ANP32B: variants seen among roughly 807,000 people sequenced by gnomAD.
ANP32B encodes acidic leucine-rich nuclear phosphoprotein 32 family member B.
Under a neutral mutation model 32.2 loss-of-function variants are expected in ANP32B, and 6 were observed. The observed-to-expected ratio is 0.19, with a 90% CI of 0.10 to 0.37. ANP32B has a LOEUF of 0.37. ANP32B is among the 10% of genes least tolerant of loss of function. The probability of loss-of-function intolerance (pLI) is 1.00; values close to 1 mark genes in which losing one functional copy is unlikely to be tolerated. For missense variants in ANP32B, 204 were observed against 289.2 expected (o/e 0.71, Z 2.14); for synonymous variants, 98 against 105.8 (o/e 0.93, Z 0.45).
intron 6 of ANP32B, among the ~76,000 whole-genome samples, chr9:98,013,001 A>G (rs1467653744): frequency 6.6e-6 from 1 of 152,164 alleles, no homozygotes; most frequent in African/African-American, 2.4e-5. Context: ...AAGTGCCGGG[A>G]TTACAGGCGT....
chr9:97,997,482 G>A (rs1425648489), intron 2 of ANP32B, among the ~76,000 whole-genome samples: 2 of 152,150 alleles, frequency 1.3e-5, no homozygotes, highest in African/African-American at 2.4e-5. Context: ...TAATAATGAG[G>A]ACATGGATAT....
At chr9:98,005,794 T>TAA (rs975479532) in intron 4 of ANP32B, among the ~76,000 whole-genome samples, 5 of 152,170 alleles carry the variant, frequency 3.3e-5, no homozygotes, top group Admixed American at 6.5e-5. Flanking sequence ...CGCTTGCTCT[T>TAA]ACAGGCTTGC....
At chr9:97,986,245 A>G (rs1382666199) in intron 1 of ANP32B, among the ~76,000 whole-genome samples, 2 of 152,264 alleles carry the variant, frequency 1.3e-5, no homozygotes, top group Non-Finnish European at 2.9e-5. Context: ...AGACGTGACA[A>G]GTGGCTCGTG....
intron 1 of ANP32B, chr9:97,984,601 C>A (rs983912733): frequency 6.6e-6 from 1 of 150,890 alleles, no homozygotes; most frequent in Admixed American, 6.6e-5. Flanking sequence ...GTGCCCGTCT[C>A]CCTGCGCCTG....
Position 98,010,271 on chromosome 9 carries a change from T to G in ANP32B, c.518-1000T>G, listed in dbSNP as rs1025746536. ...CTTACAGAGAAATGGTGTTTTTTTT[T>G]TTTTGTTTTTTTTTTTTAAATCATA... On this transcript the variant is annotated intron_variant, in intron 4 of 6. Transcript: ENST00000339399. Among the ~76,000 whole-genome samples, 26 of 151,172 alleles carry G rather than the reference T, an allele frequency of 1.7e-4. 1 individual carries two copies. The highest frequency in any genetic ancestry group is 3.0e-5 in the Non-Finnish European group (2 of 67,632).
chr9:98,009,000 C>T (rs949380098), intron 4 of ANP32B, among the ~76,000 whole-genome samples: 16 of 152,298 alleles, frequency 1.1e-4, no homozygotes, highest in African/African-American at 3.1e-4. Flanking sequence ...AGATACTTAT[C>T]TCCTGATTCA....
intron 2 of ANP32B, among the ~76,000 whole-genome samples, chr9:97,996,334 G>A (rs1202351480): frequency 1.3e-5 from 2 of 152,148 alleles, no homozygotes; most frequent in Admixed American, 1.3e-4. Context: ...ATCAGTGACC[G>A]TTTTTATAGG....
At chr9:97,997,503 A>G (rs904564713) in intron 2 of ANP32B, among the ~76,000 whole-genome samples, 1 of 152,232 alleles carries the variant, frequency 6.6e-6, no homozygotes, top group African/African-American at 2.4e-5. Context: ...TTATGAAGCC[A>G]GCCTGCCTGG....
chr9:98,007,180 T>C (rs535217310), intron 4 of ANP32B, among the ~76,000 whole-genome samples: 193 of 152,354 alleles, frequency 1.3e-3, no homozygotes, highest in Non-Finnish European at 1.8e-3. Context: ...CTAACTGCAT[T>C]GCTAAAGCTA....
At chr9:97,998,139 T>G (rs1827933899) in intron 2 of ANP32B, among the ~76,000 whole-genome samples, 1 of 152,180 alleles carries the variant, frequency 6.6e-6, no homozygotes, top group Non-Finnish European at 1.5e-5. Flanking sequence ...TGTCCAGAAA[T>G]TAGGTTTCAA....
intron 4 of ANP32B, among the ~76,000 whole-genome samples, chr9:98,007,358 A>T (rs989329455): frequency 4.6e-5 from 7 of 152,202 alleles, no homozygotes; most frequent in Admixed American, 4.6e-4. Flanking sequence ...CCATAACTAG[A>T]TGAATTGATG....
At chr9:98,001,895 C>T (rs564358228) in intron 3 of ANP32B, among the ~76,000 whole-genome samples, 14 of 151,954 alleles carry the variant, frequency 9.2e-5, no homozygotes, top group Non-Finnish European at 1.8e-4. Context: ...AATAGCATGG[C>T]CCTTGTTTTA....
chr9:98,002,579 C>A (rs1325562225), intron 3 of ANP32B, among the ~76,000 whole-genome samples: 1 of 152,108 alleles, frequency 6.6e-6, no homozygotes, highest in Non-Finnish European at 1.5e-5. Context: ...TTACTACTTT[C>A]AGCAGTTCCA....
At chr9:98,007,612 A>T (rs759144290) in intron 4 of ANP32B, among the ~76,000 whole-genome samples, 1 of 152,206 alleles carries the variant, frequency 6.6e-6, no homozygotes, top group Non-Finnish European at 1.5e-5. Context: ...TGAATTGGTC[A>T]TTTTGTGTCG....
At chr9:97,984,849 C>T (rs996884399) in intron 1 of ANP32B, among the ~76,000 whole-genome samples, 39 of 150,392 alleles carry the variant, frequency 2.6e-4, no homozygotes, top group African/African-American at 8.5e-4. Flanking sequence ...GCGCCGGGCG[C>T]GCGGGATTTT....
intron 3 of ANP32B, among the ~76,000 whole-genome samples, chr9:98,000,256 A>G (rs1297160892): frequency 1.3e-5 from 2 of 152,178 alleles, no homozygotes; most frequent in African/African-American, 2.4e-5. Context: ...TTGGGACTAC[A>G]GGCCTGAGCC....
intron 3 of ANP32B, among the ~76,000 whole-genome samples, chr9:98,002,835 G>A (rs1043577955): frequency 1.3e-5 from 2 of 152,194 alleles, no homozygotes; most frequent in African/African-American, 4.8e-5. Context: ...ATCAGAGGTT[G>A]TATGTGTTTT....
chr9:97,985,114 G>A (rs1156651641), intron 1 of ANP32B, among the ~76,000 whole-genome samples: 3 of 151,270 alleles, frequency 2.0e-5, no homozygotes, highest in Admixed American at 2.0e-4. Flanking sequence ...GCCGCGGCCG[G>A]GTGCCCCAGC....
chr9:97,983,471 G>A lies in ANP32B; in HGVS notation c.-85G>A. 1 of 1,271,460 alleles carries A rather than the reference G, an allele frequency of 7.9e-7. No individual in the cohort carries two copies. The highest frequency in any genetic ancestry group is 2.1e-5 in the Admixed American group (1 of 47,780). 78.8% of individuals were successfully genotyped at this position (1,271,460 alleles called of 1,614,324 possible). On this transcript the variant is annotated 5_prime_UTR_variant, in exon 1 of 7. Coordinates refer to ENST00000339399, the MANE Select transcript of ANP32B (RefSeq NM_006401.3). ...CCGCCGCTAGCAAACCCTTCCGACG[G>A]CCCTCGCTGCGCAAGCCGGGACGCC...
Sources: gnomAD v4.1 joint callset for allele counts (sites outside exome capture counted in the v4.1 genomes callset) on GRCh38, gnomAD v4.1.1 for gene constraint, MANE v1.5 for transcripts, NCBI Gene and HGNC (gene_info 2026-07-23, HGNC 2026-07-21) for gene names.